Variants in SAMD5 observed in about 807,000 individuals in gnomAD.
SAMD5 encodes sterile alpha motif domain-containing protein 5.
A neutral mutation model predicts 11.3 loss-of-function variants in SAMD5; 13 were observed. The ratio of observed to expected loss-of-function variants is 1.15; its 90% CI spans 0.75 to 1.83. SAMD5 has a LOEUF of 1.83. Ranked by LOEUF, SAMD5 falls within the 40% of genes most tolerant of loss-of-function variation. SAMD5 has a pLI of 0.00. For missense variants in SAMD5, 255 were observed against 239.1 expected, an observed-to-expected ratio of 1.07 and a Z score of -0.44; for synonymous variants, 129 against 111.3, an observed-to-expected ratio of 1.16 and a Z score of -1.00.
downstream of SAMD5, among the ~76,000 whole-genome samples, chr6:147,571,155 A>G (rs1207678394): frequency 6.6e-6 from 1 of 152,204 alleles, no homozygotes; most frequent in Non-Finnish European, 1.5e-5. Flanking sequence ...TTAAAACCTT[A>G]TGCTTCAGGT....
chr6:147,773,117 C>G, the SAMD5 span, among the ~76,000 whole-genome samples: 1 of 152,292 alleles, frequency 6.6e-6, no homozygotes, highest in East Asian at 1.9e-4. Flanking sequence ...GGGGCTCTCC[C>G]CTCCTATGAA....
chr6:147,643,497 A>G (rs544930507), intron 1 of SAMD5, among the ~76,000 whole-genome samples: 1 of 152,104 alleles, frequency 6.6e-6, no homozygotes, highest in Non-Finnish European at 1.5e-5. Context: ...TCTGACTTAA[A>G]CTTTACTTCT....
the SAMD5 span, among the ~76,000 whole-genome samples, chr6:147,849,781 G>A: frequency 2.0e-5 from 3 of 152,164 alleles, no homozygotes; most frequent in South Asian, 6.2e-4. Context: ...GTTCAGACTG[G>A]GGCAGACAGA....
chr6:147,890,293 A>G, the SAMD5 span, among the ~76,000 whole-genome samples: 2 of 152,182 alleles, frequency 1.3e-5, no homozygotes, highest in Admixed American at 6.5e-5. Flanking sequence ...GCTAAAATGC[A>G]TATAAACTTA....
At chr6:147,825,158 C>T in the SAMD5 span, among the ~76,000 whole-genome samples, 7,829 of 151,890 alleles carry the variant, frequency 0.052, 665 homozygotes, top group African/African-American at 0.18. Context: ...ATTAGCCAGG[C>T]GTGGTGGTGC....
the SAMD5 span, among the ~76,000 whole-genome samples, chr6:147,828,929 G>T: frequency 6.6e-6 from 1 of 152,106 alleles, no homozygotes; most frequent in Admixed American, 6.6e-5. Flanking sequence ...ATAAGAGCTG[G>T]CCAGGCATCC....
At chr6:147,809,598 G>C in the SAMD5 span, among the ~76,000 whole-genome samples, 2 of 152,218 alleles carry the variant, frequency 1.3e-5, no homozygotes, top group African/African-American at 4.8e-5. Context: ...TGGGTGGAAT[G>C]ACAGAAAATT....
At chr6:147,921,274 A>AACACACACACACACAC in the SAMD5 span, among the ~76,000 whole-genome samples, 961 of 141,046 alleles carry the variant, frequency 6.8e-3, 14 homozygotes, top group African/African-American at 0.022. Context: ...GAGAGTATAA[A>AACACACACACACACAC]ACACACACAC....
chr6:147,701,015 C>T lies in SAMD5; in HGVS notation c.163-36302C>T, dbSNP rs142466147. Among the ~76,000 whole-genome samples the T allele has an allele frequency of 6.9e-3, 1,048 of 152,276 alleles. 6 individuals carry two copies. Among genetic ancestry groups the T allele is most frequent in the South Asian group, 0.014 (66 of 4,820 alleles). On this transcript the variant is annotated intron_variant, in intron 1 of 1. Transcript: ENST00000566741. ...AGCTGGTAGAAAAGGATCCTTGAAT[C>T]TTACATATTCAGCTAAACAAATGAG...
intron 1 of SAMD5, among the ~76,000 whole-genome samples, chr6:147,551,337 G>A (rs191584110): frequency 1.6e-4 from 24 of 152,236 alleles, no homozygotes; most frequent in African/African-American, 5.3e-4. Context: ...AAAACAAGAG[G>A]TTAAGGAAAA....
At chr6:147,869,128 T>C in the SAMD5 span, among the ~76,000 whole-genome samples, 2 of 152,180 alleles carry the variant, frequency 1.3e-5, no homozygotes, top group Non-Finnish European at 2.9e-5. Flanking sequence ...TGAGAAAGAT[T>C]TTTCTGAGAA....
In SAMD5 at chr6:147,692,167, T is replaced by C. The variant is rs376320170; in HGVS notation, c.163-45150T>C. Among the ~76,000 whole-genome samples, 34 of 152,338 alleles carry C rather than the reference T, an allele frequency of 2.2e-4. No individual in the cohort carries two copies. The South Asian group carries it at 6.8e-3, about 31-fold the overall frequency. On this transcript the variant is annotated intron_variant, in intron 1 of 1. Coordinates refer to the SAMD5 transcript ENST00000566741. ...CCATACTATAGAGCCACATCTCATA[T>C]GTTTCTTCATTGTTCATGAAGTTCT...
chr6:147,541,095 G>T (rs1350861717), intron 1 of SAMD5, among the ~76,000 whole-genome samples: 2 of 151,890 alleles, frequency 1.3e-5, no homozygotes, highest in African/African-American at 4.8e-5. Context: ...GATTACAGGT[G>T]TCCACCACCA....
the SAMD5 span, among the ~76,000 whole-genome samples, chr6:147,766,760 G>A: frequency 2.0e-5 from 3 of 152,196 alleles, no homozygotes; most frequent in Non-Finnish European, 4.4e-5. Context: ...AGAGTTGACA[G>A]AATGACACTT....
chr6:147,616,212 A>ATTTCATATATATTTATTCATATATG (rs1562334309), intron 1 of SAMD5, among the ~76,000 whole-genome samples: 1 of 132,566 alleles, frequency 7.5e-6, no homozygotes, highest in Admixed American at 7.3e-5. Flanking sequence ...ATTCATATAT[A>ATTTCATATATATTTATTCATATATG]CTTCATATAT....
the SAMD5 span, among the ~76,000 whole-genome samples, chr6:147,850,005 G>T: frequency 0.43 from 65,137 of 152,036 alleles, 16,114 homozygotes; most frequent in African/African-American, 0.69. Context: ...AATAGTATGA[G>T]TTAAGAGCAG....
chr6:147,591,390 C>T (rs148374023), intron 1 of SAMD5, among the ~76,000 whole-genome samples: 121 of 152,272 alleles, frequency 7.9e-4, no homozygotes, highest in African/African-American at 2.6e-3. Context: ...CACCTGCTGG[C>T]GCTCAGGGAG....
At chr6:147,553,088 A>G (rs1231583833) in intron 1 of SAMD5, among the ~76,000 whole-genome samples, 1 of 152,214 alleles carries the variant, frequency 6.6e-6, no homozygotes, top group East Asian at 1.9e-4. Context: ...TCAACCAGTT[A>G]TATAGGCTTC....
the SAMD5 span, among the ~76,000 whole-genome samples, chr6:147,870,480 GTGTATA>G: frequency 7.3e-5 from 10 of 136,814 alleles, no homozygotes; most frequent in Admixed American, 7.3e-5. Flanking sequence ...GTGTGTGTGT[GTGTATA>G]TATATATGTA....
Sources: allele counts gnomAD v4.1 joint callset (sites outside exome capture counted in the v4.1 genomes callset), GRCh38; gene constraint gnomAD v4.1.1; transcripts MANE v1.5; gene names NCBI Gene and HGNC (gene_info 2026-07-23, HGNC 2026-07-21).